Variants in PCNX2 observed in about 807,000 individuals in gnomAD.
PCNX2 encodes pecanex-like protein 2.
Under a neutral mutation model 223.8 loss-of-function variants are expected in PCNX2, and 168 were observed. The ratio of observed to expected loss-of-function variants is 0.75; its 90% CI spans 0.66 to 0.85. The LOEUF is 0.85. Ranked by LOEUF, PCNX2 falls within the 40% of genes least tolerant of loss-of-function variation. PCNX2 has a pLI of 0.00. For missense variants in PCNX2, 2,507 were observed against 2,675.5 expected, an observed-to-expected ratio of 0.94 and a Z score of 1.39; for synonymous variants, 1,006 against 1,052.6, an observed-to-expected ratio of 0.96 and a Z score of 0.86.
intron 21 of PCNX2, among the ~76,000 whole-genome samples, chr1:233,124,620 G>A (rs1675996680): frequency 6.6e-6 from 1 of 152,238 alleles, no homozygotes; most frequent in Non-Finnish European, 1.5e-5. Flanking sequence ...AATGGCACCA[G>A]AGGAAATAAC....
intron 13 of PCNX2, among the ~76,000 whole-genome samples, chr1:233,206,013 G>A (rs937212396): frequency 1.2e-4 from 18 of 152,106 alleles, no homozygotes; most frequent in Non-Finnish European, 2.4e-4. Context: ...AATGAAGGAC[G>A]GGGGAGGCCG....
intron 25 of PCNX2, 33 bp downstream of exon 25, chr1:233,054,235 T>G: frequency 1.3e-6 from 2 of 1,591,750 alleles, no homozygotes; most frequent in African/African-American, 2.7e-5. Context: ...AGCAACCAAC[T>G]TTCAACAGTT....
At chr1:233,191,718 T>G (rs1558327036) in intron 15 of PCNX2, among the ~76,000 whole-genome samples, 1 of 152,342 alleles carries the variant, frequency 6.6e-6, no homozygotes, top group East Asian at 1.9e-4. Flanking sequence ...GGAAAAGACC[T>G]CTGCTAACAT....
At chr1:233,216,900 C>A (rs1210589334) in intron 12 of PCNX2, among the ~76,000 whole-genome samples, 1 of 152,124 alleles carries the variant, frequency 6.6e-6, no homozygotes. Context: ...ACCATCCTGT[C>A]ATTTGCAACA....
intron 23 of PCNX2, among the ~76,000 whole-genome samples, chr1:233,087,497 C>A (rs553524343): frequency 6.6e-6 from 1 of 152,214 alleles, no homozygotes; most frequent in South Asian, 2.1e-4. Flanking sequence ...ATTAGAACGG[C>A]CACATAGAAA....
At chr1:233,018,794 T>C (rs1026330894) in intron 26 of PCNX2, 21 of 985,344 alleles carry the variant, frequency 2.1e-5, no homozygotes, top group Middle Eastern at 5.2e-4. Context: ...GCTGGAGGGC[T>C]CACAGTGTTT....
chr1:233,101,992 A>G (rs977379561), intron 21 of PCNX2, among the ~76,000 whole-genome samples: 2 of 152,190 alleles, frequency 1.3e-5, no homozygotes, highest in Non-Finnish European at 2.9e-5. Flanking sequence ...AAACTGTTCC[A>G]GTAAGGTGAA....
chr1:233,276,220 G>C (rs370846946), intron 1 of PCNX2, among the ~76,000 whole-genome samples: 1 of 152,096 alleles, frequency 6.6e-6, no homozygotes, highest in Non-Finnish European at 1.5e-5. Context: ...AGGCAATCAC[G>C]AACAAGCAAA....
chr1:233,132,566 CCTCTT>C (rs1434079586), intron 21 of PCNX2, among the ~76,000 whole-genome samples: 2 of 152,164 alleles, frequency 1.3e-5, no homozygotes, highest in African/African-American at 4.8e-5. Context: ...AAACCTCACT[CCTCTT>C]CTGTTCACCT....
chr1:233,037,400 T>C (rs1671492444), intron 25 of PCNX2, among the ~76,000 whole-genome samples: 1 of 152,158 alleles, frequency 6.6e-6, no homozygotes, highest in South Asian at 2.1e-4. Flanking sequence ...GGTGCAATCA[T>C]AGCTCACTGT....
chr1:233,016,808 C>T lies in PCNX2; in HGVS notation c.4839+113G>A, dbSNP rs1670680358. The T allele has an allele frequency of 6.9e-6, 10 of 1,452,478 alleles. No homozygotes were observed. The Admixed American group carries it at 1.3e-4, about 19-fold the overall frequency. The allele number at this position is 1,452,478 out of a possible 1,614,324, so 90.0% of individuals were successfully genotyped here. A position where few individuals can be genotyped will look rare whatever the true frequency, so the allele number is the denominator to read the frequency against. On this transcript the variant is annotated intron_variant, in intron 27 of 33. Coordinates refer to ENST00000258229, the MANE Select transcript of PCNX2 (RefSeq NM_014801.4). ...CATCTGTCCAAATAGTGCTTTTTTTCTATCCTCTATGTTAAAAGTCTACCA... is the reference window on the plus strand; with the variant it reads ...CATCTGTCCAAATAGTGCTTTTTTTTTATCCTCTATGTTAAAAGTCTACCA...
In PCNX2 at chr1:233,040,287, T is replaced by C. The variant is rs2273674; in HGVS notation, c.4351+13981A>G. 8.2e-3 allele frequency among the ~76,000 whole-genome samples: 1,248 copies of C among 152,292 alleles called. 28 individuals carry two copies. The highest frequency in any genetic ancestry group is 0.081 in the East Asian group (418 of 5,178). On this transcript the variant is annotated intron_variant, in intron 25 of 33. Transcript: ENST00000258229. ...ACATACCTCCATGCCTAGATCAACT[T>C]CGTTTCAGTTGCCTCAAAGCTTTCC...
At chr1:233,270,216 G>T (rs1034168663) in intron 1 of PCNX2, among the ~76,000 whole-genome samples, 2 of 152,104 alleles carry the variant, frequency 1.3e-5, no homozygotes, top group Admixed American at 6.6e-5. Context: ...ACAGAGAAGT[G>T]CTATCATTTC....
At chr1:233,152,149 A>C (rs2475162) in intron 19 of PCNX2, among the ~76,000 whole-genome samples, 88,309 of 152,024 alleles carry the variant, frequency 0.58, 28,800 homozygotes, top group Non-Finnish European at 0.7. Flanking sequence ...TGAGGGGAAG[A>C]GAGGGTGCAG....
intron 1 of PCNX2, chr1:233,292,058 C>T: frequency 2.1e-6 from 2 of 946,826 alleles, no homozygotes; most frequent in Non-Finnish European, 2.5e-6. Flanking sequence ...CTATTTTCCA[C>T]ATTATCACCC....
intron 26 of PCNX2, among the ~76,000 whole-genome samples, chr1:233,019,558 C>T (rs1389481724): frequency 6.6e-6 from 1 of 152,060 alleles, no homozygotes; most frequent in African/African-American, 2.4e-5. Context: ...CAGCACATGG[C>T]CTGGCCCGTT....
chr1:233,130,790 CT>C (rs1391053543), intron 21 of PCNX2, among the ~76,000 whole-genome samples: 21 of 148,554 alleles, frequency 1.4e-4, no homozygotes, highest in South Asian at 2.1e-4. Flanking sequence ...GCACCCCCCC[CT>C]TTTTTTTTTA....
rs61493841 is a variant in PCNX2 at position 233,070,674 on chromosome 1, TA to T, written c.4077-13385del. On this transcript the variant is annotated intron_variant, in intron 23 of 33. Transcript: ENST00000258229. ...ACAAGACCCAATACTATTCATGATT[TA>T]AAAAAAAAAACTCTCAGAAAAATAG... is the stretch of plus-strand genomic sequence containing the variant. 1.1e-3 allele frequency among the ~76,000 whole-genome samples: 156 copies of T among 146,574 alleles called. 1 individual carries two copies. In the East Asian group the frequency reaches 0.014, roughly 13 times the overall value.
intron 26 of PCNX2, among the ~76,000 whole-genome samples, chr1:233,021,084 G>A (rs3766479): frequency 0.23 from 35,341 of 151,950 alleles, 6,378 homozygotes; most frequent in African/African-American, 0.51. Context: ...TGTTCTAATA[G>A]GCAGTTAGCC....
Sources: allele counts gnomAD v4.1 joint callset (sites outside exome capture counted in the v4.1 genomes callset), GRCh38; gene constraint gnomAD v4.1.1; transcripts MANE v1.5; gene names NCBI Gene and HGNC (gene_info 2026-07-23, HGNC 2026-07-21).